Variants in ACOT11 observed in about 807,000 individuals in gnomAD.
ACOT11 encodes the protein acyl-CoA thioesterase 11.
A neutral mutation model predicts 77.5 loss-of-function variants in ACOT11; 69 were observed. The observed-to-expected ratio is 0.89, with a 90% CI of 0.73 to 1.09. The LOEUF (loss-of-function observed/expected upper bound fraction) is 1.09, where lower values mean the gene tolerates loss of function less well. ACOT11 is among the 50% of genes least tolerant of loss of function. ACOT11 has a pLI of 0.00. For synonymous variants in ACOT11, 279 were observed against 313.0 expected, an observed-to-expected ratio of 0.89 and a Z score of 1.15; for missense variants, 766 against 813.7, an observed-to-expected ratio of 0.94 and a Z score of 0.71.
chr1:54,560,223 A>C (rs1653417589), intron 1 of ACOT11, among the ~76,000 whole-genome samples: 1 of 152,174 alleles, frequency 6.6e-6, no homozygotes, highest in Admixed American at 6.5e-5. Context: ...GATGTGACAG[A>C]GGGAAGCACC....
chr1:54,576,465 T>C (rs1460608657), intron 1 of ACOT11, among the ~76,000 whole-genome samples: 2 of 122,694 alleles, frequency 1.6e-5, no homozygotes, highest in African/African-American at 6.5e-5. Context: ...CCCACTGCAC[T>C]CCAGCCTAGG....
intron 1 of ACOT11, among the ~76,000 whole-genome samples, chr1:54,579,237 T>G (rs894957004): frequency 6.6e-6 from 1 of 152,156 alleles, no homozygotes; most frequent in African/African-American, 2.4e-5. Context: ...CTACCCTTTT[T>G]TTTTCTTGTC....
At chr1:54,597,473 C>A in intron 7 of ACOT11, 58 bp downstream of exon 7, 1 of 1,522,174 alleles carries the variant, frequency 6.6e-7, no homozygotes, top group Non-Finnish European at 8.8e-7. Flanking sequence ...CTCCCCTTGG[C>A]TACCTCCCTC....
In ACOT11 at chr1:54,589,874, A is replaced by T. The variant is rs149706097; in HGVS notation, c.312-2672A>T. Among the ~76,000 whole-genome samples the T allele has an allele frequency of 2.3e-3, 348 of 152,190 alleles. 4 individuals carry two copies. Among genetic ancestry groups the T allele is most frequent in the Admixed American group, 0.017 (264 of 15,294 alleles). ...GAGGCCGAGGTGGACAGATCATGAG[A>T]TCATAAGATCCAGACCATCCTGGCT... On this transcript the variant is annotated intron_variant, in intron 3 of 15. Coordinates refer to ENST00000343744, the MANE Select transcript of ACOT11 (RefSeq NM_147161.4).
intron 12 of ACOT11, 74 bp from the exon 13 acceptor site, chr1:54,605,002 C>T: frequency 6.7e-7 from 1 of 1,495,420 alleles, no homozygotes; most frequent in Non-Finnish European, 9.0e-7. Context: ...CCTGAGCTTC[C>T]AGTCTCAGCC....
chr1:54,634,755 G>A (rs1275495714), exon 17 of ACOT11: 4 of 702,184 alleles, frequency 5.7e-6, no homozygotes, highest in Non-Finnish European at 7.8e-6. Context: ...CAGATGCCAA[G>A]GAAGAGACTC....
chr1:54,568,945 A>T (rs1399331421), intron 1 of ACOT11, among the ~76,000 whole-genome samples: 3 of 151,620 alleles, frequency 2.0e-5, no homozygotes, highest in Non-Finnish European at 4.4e-5. Context: ...ATCTGTGTAA[A>T]AAATAAAAAA....
intron 8 of ACOT11, among the ~76,000 whole-genome samples, chr1:54,600,993 A>G (rs1282700034): frequency 1.3e-5 from 2 of 152,178 alleles, no homozygotes; most frequent in African/African-American, 4.8e-5. Flanking sequence ...TGCTCTGTAA[A>G]CAATGGTGGA....
chr1:54,561,151 G>A, intron 1 of ACOT11, among the ~76,000 whole-genome samples: 1 of 142,854 alleles, frequency 7.0e-6, no homozygotes, highest in African/African-American at 2.6e-5. Flanking sequence ...TTCTCACAGA[G>A]GGGGATTTGG....
At chr1:54,558,498 AGAGAATGAT>A (rs1373618579) in intron 1 of ACOT11, among the ~76,000 whole-genome samples, 1 of 152,350 alleles carries the variant, frequency 6.6e-6, no homozygotes, top group Non-Finnish European at 1.5e-5. Context: ...GGGAGCTGTG[AGAGAATGAT>A]GAGGGGGTCA....
intron 15 of ACOT11, 117 bp downstream of exon 15, chr1:54,608,185 CCCCTT>C: frequency 1.1e-6 from 1 of 949,474 alleles, no homozygotes; most frequent in Non-Finnish European, 1.5e-6. Flanking sequence ...CAGCAGGCTC[CCCCTT>C]CCAGCCTGGG....
intron 1 of ACOT11, among the ~76,000 whole-genome samples, chr1:54,562,546 C>A (rs1307494903): frequency 1.3e-4 from 6 of 46,810 alleles, no homozygotes; most frequent in Admixed American, 1.0e-3. Context: ...GGGGGGCTGA[C>A]CCACCCCCCA....
intron 8 of ACOT11, 117 bp from the exon 9 acceptor site, chr1:54,601,152 T>A: frequency 8.3e-7 from 1 of 1,203,640 alleles, no homozygotes; most frequent in East Asian, 2.4e-5. Flanking sequence ...TGTGTGTGTG[T>A]GCATGCATGT....
intron 16 of ACOT11, among the ~76,000 whole-genome samples, chr1:54,631,731 G>A (rs1022750756): frequency 1.3e-5 from 2 of 152,140 alleles, no homozygotes; most frequent in African/African-American, 4.8e-5. Context: ...GTGCTATAGA[G>A]CAGGGACCAA....
intron 1 of ACOT11, among the ~76,000 whole-genome samples, chr1:54,552,983 A>G (rs1374470105): frequency 6.7e-6 from 1 of 150,018 alleles, no homozygotes; most frequent in Non-Finnish European, 1.5e-5. Context: ...ATGTGCCACC[A>G]TGCCTGGCTA....
chr1:54,635,063 C>G, exon 17 of ACOT11: 1 of 339,854 alleles, frequency 2.9e-6, no homozygotes, highest in South Asian at 8.3e-5. Flanking sequence ...TTTCTGATCT[C>G]AGTATTTACC....
intron 1 of ACOT11, among the ~76,000 whole-genome samples, chr1:54,560,394 A>G (rs1349282034): frequency 6.6e-6 from 1 of 152,126 alleles, no homozygotes; most frequent in African/African-American, 2.4e-5. Context: ...GAAATGAGGG[A>G]GTTAAGGGCA....
intron 6 of ACOT11, among the ~76,000 whole-genome samples, chr1:54,595,814 C>T (rs1654878416): frequency 6.6e-6 from 1 of 152,172 alleles, no homozygotes. Context: ...GTTTACTTAT[C>T]CCCAGAATGT....
At chr1:54,565,076 C>T (rs1344800125) in intron 1 of ACOT11, among the ~76,000 whole-genome samples, 1 of 152,158 alleles carries the variant, frequency 6.6e-6, no homozygotes, top group Non-Finnish European at 1.5e-5. Context: ...CCACCCCAGG[C>T]CCTCCTTGGC....
Sources: gnomAD v4.1 joint callset for allele counts (sites outside exome capture counted in the v4.1 genomes callset) on GRCh38, gnomAD v4.1.1 for gene constraint, MANE v1.5 for transcripts, NCBI Gene and HGNC (gene_info 2026-07-23, HGNC 2026-07-21) for gene names.